The following MAPRE2 variants were observed in gnomAD, a reference collection of about 807,000 sequenced individuals.
MAPRE2 encodes microtubule-associated protein RP/EB family member 2.
MAPRE2 carries 13 observed loss-of-function variants against 43.2 expected under a neutral mutation model. The observed-to-expected ratio is 0.30, with a 90% CI of 0.20 to 0.48. The LOEUF (loss-of-function observed/expected upper bound fraction) is 0.48, where lower values mean the gene tolerates loss of function less well. MAPRE2 is among the 20% of genes least tolerant of loss of function. The probability of loss-of-function intolerance (pLI) is 0.99; values close to 1 mark genes in which losing one functional copy is unlikely to be tolerated. For missense variants in MAPRE2, 161 were observed against 400.2 expected (o/e 0.40, Z 5.10); for synonymous variants, 135 against 148.8 (o/e 0.91, Z 0.68).
Position 35,138,439 on chromosome 18 carries a change from A to G in MAPRE2, c.910-1856A>G, listed in dbSNP as rs868346185. Reference sequence around the variant, plus strand: ...GAATAAGGGGCCTGTCGGCACGGTAAGAGACAATGCCAGATTTTTCCCCAA... The same window carrying G: ...GAATAAGGGGCCTGTCGGCACGGTAGGAGACAATGCCAGATTTTTCCCCAA... On this transcript the variant is annotated intron_variant, in intron 6 of 6. Coordinates refer to ENST00000300249, the MANE Select transcript of MAPRE2 (RefSeq NM_014268.4). 5.9e-5 allele frequency among the ~76,000 whole-genome samples: 9 copies of G among 152,182 alleles called. No individual in the cohort carries two copies. In the South Asian group the frequency reaches 1.7e-3, roughly 28 times the overall value.
intron 4 of MAPRE2, among the ~76,000 whole-genome samples, chr18:35,107,431 T>C (rs1908958661): frequency 6.6e-6 from 1 of 152,232 alleles, no homozygotes; most frequent in African/African-American, 2.4e-5. Context: ...TTTATTTGTT[T>C]AGCAATGTAT....
intron 1 of MAPRE2, among the ~76,000 whole-genome samples, chr18:34,997,474 G>C (rs1057016113): frequency 6.6e-6 from 1 of 152,144 alleles, no homozygotes; most frequent in Non-Finnish European, 1.5e-5. Flanking sequence ...GAGAAAAGCA[G>C]CTAACTAAAA....
intron 1 of MAPRE2, among the ~76,000 whole-genome samples, chr18:35,055,028 C>T (rs1906145261): frequency 6.6e-6 from 1 of 152,008 alleles, no homozygotes; most frequent in Non-Finnish European, 1.5e-5. Flanking sequence ...AAGTATTATA[C>T]AAATATTACA....
intron 4 of MAPRE2, 121 bp downstream of exon 4, chr18:35,102,280 G>A (rs899627749): frequency 5.8e-6 from 4 of 687,316 alleles, no homozygotes; most frequent in African/African-American, 3.8e-5. Flanking sequence ...AATGCCTTCG[G>A]ATGATTTCTA....
At chr18:34,986,491 C>T (rs1480438918) in intron 1 of MAPRE2, among the ~76,000 whole-genome samples, 1 of 152,140 alleles carries the variant, frequency 6.6e-6, no homozygotes, top group Non-Finnish European at 1.5e-5. Context: ...GGGAAAGACG[C>T]TATTGATATA....
At chr18:35,016,240 T>C (rs1243171196) in intron 2 of MAPRE2, among the ~76,000 whole-genome samples, 1 of 152,052 alleles carries the variant, frequency 6.6e-6, no homozygotes, top group Non-Finnish European at 1.5e-5. Flanking sequence ...TTCACTATTG[T>C]GAACAGTGCT....
intron 4 of MAPRE2, among the ~76,000 whole-genome samples, chr18:35,118,652 CAG>C (rs1909526358): frequency 6.6e-6 from 1 of 152,292 alleles, no homozygotes; most frequent in Middle Eastern, 3.4e-3. Context: ...ACACAGCAGG[CAG>C]AGTGAGCCTT....
chr18:35,010,934 C>G (rs1284579491), intron 2 of MAPRE2, among the ~76,000 whole-genome samples: 1 of 152,072 alleles, frequency 6.6e-6, no homozygotes, highest in South Asian at 2.1e-4. Context: ...GTCTGTTATA[C>G]TATTATAAGA....
intron 1 of MAPRE2, among the ~76,000 whole-genome samples, chr18:34,980,277 G>A (rs148116418): frequency 0.033 from 4,953 of 151,868 alleles, 267 homozygotes; most frequent in African/African-American, 0.11. Flanking sequence ...CACCCGCCTC[G>A]GCCTCCCAAA....
At chr18:35,002,905 C>G (rs565223882) in intron 1 of MAPRE2, among the ~76,000 whole-genome samples, 1 of 152,240 alleles carries the variant, frequency 6.6e-6, no homozygotes, top group African/African-American at 2.4e-5. Context: ...TTGATGAAGT[C>G]CAATTTACCA....
At chr18:35,023,509 C>T (rs982512853) in intron 2 of MAPRE2, among the ~76,000 whole-genome samples, 6 of 146,986 alleles carry the variant, frequency 4.1e-5, no homozygotes, top group Non-Finnish European at 5.9e-5. Context: ...GAGACTCCTT[C>T]GCAAAAAATA....
upstream of MAPRE2, among the ~76,000 whole-genome samples, chr18:35,037,606 G>A (rs973679051): frequency 1.3e-5 from 2 of 152,152 alleles, no homozygotes; most frequent in African/African-American, 4.8e-5. Flanking sequence ...AGATATGCCT[G>A]TGTACATAAG....
At chr18:35,063,999 TTAAAAAAAAAAAAAAAA>T (rs1161719730) in intron 1 of MAPRE2, among the ~76,000 whole-genome samples, 2,284 of 60,760 alleles carry the variant, frequency 0.038, 113 homozygotes, top group African/African-American at 0.11. Flanking sequence ...CCCTGTCTCT[TTAAAAAAAAAAAAAAAA>T]AAAAAAAAAA....
Position 35,041,452 on chromosome 18 carries a change from G to GC in MAPRE2, c.-87dup. On this transcript the variant is annotated 5_prime_UTR_variant, in exon 1 of 7. Coordinates refer to ENST00000300249, the MANE Select transcript of MAPRE2 (RefSeq NM_014268.4). ...CGAGCAGGCGGCAGGCACGGTCCGTGCGGAGCAGGCGAGCGAGCGGGAAGA... is the reference window on the plus strand; with the variant it reads ...CGAGCAGGCGGCAGGCACGGTCCGTGCCGGAGCAGGCGAGCGAGCGGGAAGA... 1 of 1,606,504 alleles carries GC rather than the reference G, an allele frequency of 6.2e-7. No homozygotes were observed. Among genetic ancestry groups the GC allele is most frequent in the Non-Finnish European group, 8.5e-7 (1 of 1,176,856 alleles).
intron 1 of MAPRE2, among the ~76,000 whole-genome samples, chr18:34,984,652 T>A (rs1469449766): frequency 6.7e-6 from 1 of 150,370 alleles, no homozygotes; most frequent in Non-Finnish European, 1.5e-5. Flanking sequence ...GATTGATGTA[T>A]AACTCCCATG....
intron 4 of MAPRE2, among the ~76,000 whole-genome samples, chr18:35,107,055 GCAGATT>G (rs1482290513): frequency 6.6e-6 from 1 of 152,108 alleles, no homozygotes; most frequent in Non-Finnish European, 1.5e-5. Flanking sequence ...AAGACACATT[GCAGATT>G]CACATACATT....
At chr18:35,124,192 A>G (rs932498134) in intron 4 of MAPRE2, among the ~76,000 whole-genome samples, 9 of 152,208 alleles carry the variant, frequency 5.9e-5, no homozygotes, top group African/African-American at 1.7e-4. Flanking sequence ...ACTTAAAATT[A>G]TGGCTGAAGG....
At chr18:35,069,048 G>T (rs1464940444) in intron 1 of MAPRE2, among the ~76,000 whole-genome samples, 1 of 152,164 alleles carries the variant, frequency 6.6e-6, no homozygotes, top group Non-Finnish European at 1.5e-5. Context: ...ATAAGATCAA[G>T]GCTCTAGATG....
chr18:35,082,706 CG>C (rs1200408588), intron 2 of MAPRE2, among the ~76,000 whole-genome samples: 1 of 152,016 alleles, frequency 6.6e-6, no homozygotes, highest in Non-Finnish European at 1.5e-5. Context: ...CTTCAGCATT[CG>C]GAGTTAAGCT....
Sources: allele counts gnomAD v4.1 joint callset (sites outside exome capture counted in the v4.1 genomes callset), GRCh38; gene constraint gnomAD v4.1.1; transcripts MANE v1.5; gene names NCBI Gene and HGNC (gene_info 2026-07-23, HGNC 2026-07-21).